TAMM41: variants seen among roughly 807,000 people sequenced by gnomAD.
TAMM41 encodes TAM41 mitochondrial translocator assembly and maintenance homolog, also known as phosphatidate cytidylyltransferase, mitochondrial.
In TAMM41, 36 loss-of-function variants were observed where a neutral mutation model predicts 44.1. The ratio of observed to expected loss-of-function variants is 0.82; its 90% CI spans 0.63 to 1.08. TAMM41 has a LOEUF of 1.08. Ranked by LOEUF, TAMM41 falls within the 50% of genes least tolerant of loss-of-function variation. The pLI, the probability that TAMM41 is intolerant of heterozygous loss-of-function variation, is 0.00. For missense variants in TAMM41, 417 were observed against 404.3 expected, an observed-to-expected ratio of 1.03 and a Z score of -0.27; for synonymous variants, 164 against 153.1, an observed-to-expected ratio of 1.07 and a Z score of -0.53.
the TAMM41 span, among the ~76,000 whole-genome samples, chr3:11,767,930 CTTTTGATTATAGA>C: frequency 1.3e-5 from 2 of 150,912 alleles, no homozygotes; most frequent in Non-Finnish European, 3.0e-5. Flanking sequence ...GCCATCTGTC[CTTTTGATTATAGA>C]TTTTGATTAT....
intron 7 of TAMM41, among the ~76,000 whole-genome samples, chr3:11,801,574 C>A (rs1326890807): frequency 6.6e-6 from 1 of 152,116 alleles, no homozygotes; most frequent in Non-Finnish European, 1.5e-5. Context: ...AATCCACCCA[C>A]CTCAGACTCC....
chr3:11,809,788 C>T, intron 5 of TAMM41, 106 bp from the exon 6 acceptor site: 1 of 1,158,324 alleles, frequency 8.6e-7, no homozygotes, highest in East Asian at 2.4e-5. Flanking sequence ...ATATATGCAC[C>T]CACACCCCTG....
the TAMM41 span, among the ~76,000 whole-genome samples, chr3:11,768,338 A>G: frequency 5.3e-5 from 8 of 152,036 alleles, no homozygotes; most frequent in African/African-American, 1.7e-4. Context: ...GGGTCTCCCT[A>G]TATTGCCCAG....
chr3:11,743,687 G>A, the TAMM41 span, among the ~76,000 whole-genome samples: 1 of 152,092 alleles, frequency 6.6e-6, no homozygotes, highest in Non-Finnish European at 1.5e-5. Flanking sequence ...AGTGGATTCT[G>A]TTGTTCACAG....
At chr3:11,810,490 G>A (rs950160171) in intron 5 of TAMM41, among the ~76,000 whole-genome samples, 1 of 152,168 alleles carries the variant, frequency 6.6e-6, no homozygotes, top group Non-Finnish European at 1.5e-5. Flanking sequence ...TGTGCCTCGT[G>A]GAATGAATTT....
rs757905366 is a variant in TAMM41, at chr3:11,829,835, G to A, written c.441C>T (p.Val147=). Residue 147 remains valine, a synonymous_variant, in exon 4 of 8, where the codon GTC becomes GTT. Transcript: ENST00000455809. The part of the protein sequence containing the change: ...PVKIISVNED[V]TLRSALDRNL... ...TTCTATCGAGGGCTGATCTAAGAGTGACATCCTCGTTCACTGAGATAATTT... is the reference window on the plus strand; with the variant it reads ...TTCTATCGAGGGCTGATCTAAGAGTAACATCCTCGTTCACTGAGATAATTT... The A allele has an allele frequency of 6.2e-7, 1 of 1,614,184 alleles. No homozygotes were observed. The highest frequency in any genetic ancestry group is 1.7e-5 in the Admixed American group (1 of 60,032).
chr3:11,763,060 G>A, the TAMM41 span, among the ~76,000 whole-genome samples: 2 of 152,118 alleles, frequency 1.3e-5, no homozygotes, highest in South Asian at 4.1e-4. Flanking sequence ...ATAAATAAAA[G>A]AAATTGATTT....
chr3:11,805,987 C>T (rs1026707565), intron 7 of TAMM41, among the ~76,000 whole-genome samples: 6 of 152,142 alleles, frequency 3.9e-5, no homozygotes, highest in Admixed American at 1.3e-4. Context: ...ATAAGTGTTA[C>T]GAGATCTGAT....
chr3:11,723,349 G>T, the TAMM41 span, among the ~76,000 whole-genome samples: 3 of 152,180 alleles, frequency 2.0e-5, no homozygotes, highest in East Asian at 5.8e-4. Flanking sequence ...GTAGGCCAAG[G>T]CGGGTGCATT....
At chr3:11,820,418 C>T (rs925485488) in intron 4 of TAMM41, among the ~76,000 whole-genome samples, 2 of 152,118 alleles carry the variant, frequency 1.3e-5, no homozygotes, top group Admixed American at 6.5e-5. Context: ...TCCAAATCTT[C>T]CCCCTAAAAG....
At chr3:11,781,914 T>G in the TAMM41 span, among the ~76,000 whole-genome samples, 2 of 152,180 alleles carry the variant, frequency 1.3e-5, no homozygotes, top group Non-Finnish European at 2.9e-5. Flanking sequence ...AAGTTTCCTA[T>G]TAATTCTGAC....
intron 7 of TAMM41, among the ~76,000 whole-genome samples, chr3:11,804,868 A>AT (rs72142106): frequency 0.018 from 2,586 of 145,434 alleles, 47 homozygotes; most frequent in Middle Eastern, 0.061. Flanking sequence ...TATTATTATA[A>AT]TTTTTTTTTT....
intron 7 of TAMM41, among the ~76,000 whole-genome samples, chr3:11,791,028 TC>T (rs1225741289): frequency 6.6e-6 from 1 of 152,226 alleles, no homozygotes; most frequent in East Asian, 1.9e-4. Flanking sequence ...ACTTTCTGCC[TC>T]GTTGACTTGG....
the TAMM41 span, among the ~76,000 whole-genome samples, chr3:11,738,096 G>A: frequency 9.0e-3 from 1,373 of 152,262 alleles, 27 homozygotes; most frequent in African/African-American, 0.032. Flanking sequence ...TGAAAAGGTC[G>A]TTCAGATGAG....
chr3:11,798,331 G>T (rs1575608449), intron 7 of TAMM41, among the ~76,000 whole-genome samples: 1 of 152,150 alleles, frequency 6.6e-6, no homozygotes, highest in East Asian at 1.9e-4. Context: ...ATAAAAAAGA[G>T]ACCATGTCCT....
At chr3:11,729,447 A>G in the TAMM41 span, among the ~76,000 whole-genome samples, 1 of 150,704 alleles carries the variant, frequency 6.6e-6, no homozygotes, top group African/African-American at 2.4e-5. Flanking sequence ...GGTGGAATAC[A>G]ACAACACCCC....
At chr3:11,744,582 C>T in the TAMM41 span, among the ~76,000 whole-genome samples, 4 of 151,870 alleles carry the variant, frequency 2.6e-5, no homozygotes, top group African/African-American at 9.7e-5. Context: ...GTAACCGCAG[C>T]TACTCAGGAG....
chr3:11,767,993 C>G, the TAMM41 span, among the ~76,000 whole-genome samples: 2 of 150,934 alleles, frequency 1.3e-5, no homozygotes, highest in African/African-American at 2.4e-5. Context: ...AGTAAGACAC[C>G]ACTTCACACC....
At chr3:11,753,629 C>T in the TAMM41 span, among the ~76,000 whole-genome samples, 6 of 151,108 alleles carry the variant, frequency 4.0e-5, no homozygotes, top group African/African-American at 1.5e-4. Context: ...CCCAGCTACT[C>T]GGGAGGCTGA....
Sources: gnomAD v4.1 joint callset for allele counts (sites outside exome capture counted in the v4.1 genomes callset) on GRCh38, gnomAD v4.1.1 for gene constraint, MANE v1.5 for transcripts, NCBI Gene and HGNC (gene_info 2026-07-23, HGNC 2026-07-21) for gene names.